The following GALNT13 variants were observed in gnomAD, a reference collection of about 807,000 sequenced individuals.
GALNT13 encodes the protein polypeptide N-acetylgalactosaminyltransferase 13, also known as UDP-GalNAc:polypeptide N-acetylgalactosaminyltransferase 13.
Under a neutral mutation model 64.2 loss-of-function variants are expected in GALNT13, and 28 were observed. The ratio of observed to expected loss-of-function variants is 0.44; its 90% CI spans 0.32 to 0.60. The LOEUF is 0.60. Among genes scored for constraint, GALNT13 ranks in the 20% least tolerant of loss-of-function variants. GALNT13 has a pLI of 0.05. For synonymous variants in GALNT13, 214 were observed against 224.6 expected, an observed-to-expected ratio of 0.95 and a Z score of 0.42; for missense variants, 577 against 669.8, an observed-to-expected ratio of 0.86 and a Z score of 1.53.
At chr2:153,788,688 T>G in the GALNT13 span, among the ~76,000 whole-genome samples, 41 of 152,200 alleles carry the variant, frequency 2.7e-4, 1 homozygote, top group African/African-American at 9.4e-4. Flanking sequence ...TCCAATTGTA[T>G]GCTATCTTCA....
chr2:153,975,930 A>C (rs1230226021), intron 3 of GALNT13, among the ~76,000 whole-genome samples: 1 of 152,152 alleles, frequency 6.6e-6, no homozygotes, highest in Non-Finnish European at 1.5e-5. Flanking sequence ...ATCACATTGC[A>C]CGTCCTAAAT....
the GALNT13 span, among the ~76,000 whole-genome samples, chr2:153,164,921 G>T: frequency 6.6e-6 from 1 of 152,170 alleles, no homozygotes; most frequent in Non-Finnish European, 1.5e-5. Context: ...TAATTTGAAA[G>T]TATTCATTTC....
chr2:153,417,817 T>G, the GALNT13 span, among the ~76,000 whole-genome samples: 17 of 152,256 alleles, frequency 1.1e-4, no homozygotes, highest in Non-Finnish European at 2.4e-4. Flanking sequence ...AGGATGAATA[T>G]ATACCTTTAA....
intron 8 of GALNT13, chr2:154,286,967 C>A (rs1692301982): frequency 7.2e-6 from 4 of 553,494 alleles, no homozygotes; most frequent in Non-Finnish European, 1.3e-5. Flanking sequence ...ACTACCAAGA[C>A]CCTCAAGTCA....
intron 2 of GALNT13, among the ~76,000 whole-genome samples, chr2:153,907,482 A>G (rs1688655130): frequency 1.3e-5 from 2 of 151,736 alleles, no homozygotes; most frequent in South Asian, 2.1e-4. Context: ...GGTTTGTTGT[A>G]CAGATTATTT....
At chr2:153,798,594 T>C in the GALNT13 span, among the ~76,000 whole-genome samples, 1 of 152,152 alleles carries the variant, frequency 6.6e-6, no homozygotes, top group Non-Finnish European at 1.5e-5. Context: ...TGGTTTAAGA[T>C]ACAACCAATT....
intron 4 of GALNT13, among the ~76,000 whole-genome samples, chr2:154,164,826 C>T (rs182161516): frequency 5.3e-5 from 8 of 152,094 alleles, no homozygotes; most frequent in Admixed American, 3.3e-4. Flanking sequence ...ATCAAAAAAT[C>T]GACCAGGTTT....
chr2:153,420,136 C>T, the GALNT13 span, among the ~76,000 whole-genome samples: 1 of 152,104 alleles, frequency 6.6e-6, no homozygotes, highest in Admixed American at 6.5e-5. Flanking sequence ...AGCAATTCAC[C>T]AGTCTGCATA....
chr2:153,613,805 C>T, the GALNT13 span, among the ~76,000 whole-genome samples: 85 of 152,064 alleles, frequency 5.6e-4, 1 homozygote, highest in Admixed American at 2.2e-3. Context: ...GACATGAACT[C>T]ATCCTTTTTT....
chr2:153,353,164 ATCATAT>A, the GALNT13 span, among the ~76,000 whole-genome samples: 24 of 152,046 alleles, frequency 1.6e-4, no homozygotes, highest in African/African-American at 5.8e-4. Context: ...TCTCATATAG[ATCATAT>A]TCATATTTCA....
chr2:154,109,447 T>G (rs1411085004), intron 3 of GALNT13, among the ~76,000 whole-genome samples: 2 of 152,146 alleles, frequency 1.3e-5, no homozygotes, highest in Non-Finnish European at 1.5e-5. Flanking sequence ...TTCTTCCTTT[T>G]CTATTCAGAT....
At chr2:153,422,972 T>C in the GALNT13 span, among the ~76,000 whole-genome samples, 1 of 151,930 alleles carries the variant, frequency 6.6e-6, no homozygotes, top group Admixed American at 6.6e-5. Context: ...ATTCACACTG[T>C]TCTAAAGTAA....
At chr2:153,389,602 A>T in the GALNT13 span, among the ~76,000 whole-genome samples, 1 of 152,126 alleles carries the variant, frequency 6.6e-6, no homozygotes, top group Admixed American at 6.6e-5. Flanking sequence ...TTAAGAATGA[A>T]AGAATGCCCG....
the GALNT13 span, among the ~76,000 whole-genome samples, chr2:153,645,219 G>A: frequency 6.6e-6 from 1 of 152,246 alleles, no homozygotes; most frequent in African/African-American, 2.4e-5. Context: ...GAGGCTAGAT[G>A]TGGCTTTGCT....
the GALNT13 span, among the ~76,000 whole-genome samples, chr2:153,251,263 T>C: frequency 6.6e-6 from 1 of 152,198 alleles, no homozygotes; most frequent in East Asian, 1.9e-4. Flanking sequence ...ACTTAGTGTA[T>C]GTTAACAGTA....
chr2:154,135,073 TA>T (rs1682872287), intron 3 of GALNT13, among the ~76,000 whole-genome samples: 2 of 152,216 alleles, frequency 1.3e-5, no homozygotes, highest in African/African-American at 4.8e-5. Flanking sequence ...CTATTTTAAA[TA>T]CATATGTATG....
the GALNT13 span, among the ~76,000 whole-genome samples, chr2:153,641,709 C>T: frequency 6.6e-6 from 1 of 152,106 alleles, no homozygotes; most frequent in Non-Finnish European, 1.5e-5. Flanking sequence ...CTGAAACAAA[C>T]ATTCACATTT....
At chr2:153,312,639 C>T in the GALNT13 span, among the ~76,000 whole-genome samples, 3 of 152,078 alleles carry the variant, frequency 2.0e-5, no homozygotes, top group Admixed American at 6.6e-5. Context: ...TCTAGAAATT[C>T]CAGGGTTAAT....
At chr2:153,414,514 C>T in the GALNT13 span, among the ~76,000 whole-genome samples, 1 of 145,712 alleles carries the variant, frequency 6.9e-6, no homozygotes, top group Admixed American at 6.9e-5. Flanking sequence ...ATCTATACCA[C>T]TGCCACAAAA....
Sources: gnomAD v4.1 joint callset for allele counts (sites outside exome capture counted in the v4.1 genomes callset) on GRCh38, gnomAD v4.1.1 for gene constraint, MANE v1.5 for transcripts, NCBI Gene and HGNC (gene_info 2026-07-23, HGNC 2026-07-21) for gene names.